The following WWOX variants were observed in gnomAD, a reference collection of about 807,000 sequenced individuals.
WWOX encodes WW domain containing oxidoreductase.
Under a neutral mutation model 46.2 loss-of-function variants are expected in WWOX, and 69 were observed. The observed-to-expected ratio is 1.49, with a 90% CI of 1.23 to 1.82. The LOEUF (loss-of-function observed/expected upper bound fraction) is 1.82, where lower values mean the gene tolerates loss of function less well. WWOX is among the 40% of genes most tolerant of loss of function. WWOX has a pLI of 0.00. For missense variants in WWOX, 919 were observed against 542.6 expected (o/e 1.69, Z -6.89); for synonymous variants, 359 against 202.6 (o/e 1.77, Z -6.56).
At position 78,115,080 on chromosome 16, in the gene WWOX, C is replaced by A. The variant is rs761133406; in HGVS notation, c.335C>A (p.Thr112Asn). The A allele has an allele frequency of 5.0e-6, 8 of 1,614,234 alleles. No homozygotes were observed. Among genetic ancestry groups the A allele is most frequent in the Non-Finnish European group, 6.8e-6 (8 of 1,180,040 alleles). The change falls in exon 4 of 9, where the codon ACT becomes AAT. Residue 112 changes from threonine (T) to asparagine (N), a missense_variant. Coordinates refer to ENST00000566780, the MANE Select transcript of WWOX (RefSeq NM_016373.4). ...TTRQRYDGST[T>N]AMEILQGRDF... ...CGGCAAAGATACGACGGCAGCACCACTGCCATGGAAATTCTCCAGGGCCGG... is the reference window on the plus strand; with the variant it reads ...CGGCAAAGATACGACGGCAGCACCAATGCCATGGAAATTCTCCAGGGCCGG...
intron 8 of WWOX, among the ~76,000 whole-genome samples, chr16:79,075,858 A>C (rs1266782778): frequency 6.6e-6 from 1 of 152,180 alleles, no homozygotes; most frequent in Non-Finnish European, 1.5e-5. Context: ...TCAAAAAAAC[A>C]TATTAAGTTA....
rs1215169060 is a variant in WWOX at position 79,109,895 on chromosome 16, G to C, written c.1057-101713G>C. 3.3e-5 allele frequency among the ~76,000 whole-genome samples: 5 copies of C among 152,268 alleles called. No individual in the cohort carries two copies. The East Asian group carries it at 9.7e-4, about 29-fold the overall frequency. ...CAAGATTTGGCATTCTGCATGTTGGGGTTGTTTAGAAACAGAAACTTTGGA... is the reference window on the plus strand; with the variant it reads ...CAAGATTTGGCATTCTGCATGTTGGCGTTGTTTAGAAACAGAAACTTTGGA... On this transcript the variant is annotated intron_variant, in intron 8 of 8. Transcript: ENST00000566780.
chr16:79,003,151 G>C (rs980875133), intron 8 of WWOX, among the ~76,000 whole-genome samples: 1 of 152,136 alleles, frequency 6.6e-6, no homozygotes, highest in South Asian at 2.1e-4. Flanking sequence ...CAATTTACAT[G>C]TTTGTCATTC....
At chr16:79,141,446 A>T (rs1597412341) in intron 8 of WWOX, among the ~76,000 whole-genome samples, 1 of 152,228 alleles carries the variant, frequency 6.6e-6, no homozygotes, top group Non-Finnish European at 1.5e-5. Flanking sequence ...TTTCTAAATT[A>T]GCTGAGACCT....
chr16:78,941,621 G>C (rs192120358), intron 8 of WWOX, among the ~76,000 whole-genome samples: 1 of 152,094 alleles, frequency 6.6e-6, no homozygotes, highest in Non-Finnish European at 1.5e-5. Context: ...TAAATCATAG[G>C]AGAGTGCTCA....
chr16:78,833,966 C>T (rs950811782), intron 8 of WWOX, among the ~76,000 whole-genome samples: 1 of 152,242 alleles, frequency 6.6e-6, no homozygotes, highest in Non-Finnish European at 1.5e-5. Context: ...CCTTTGGCTT[C>T]AGCCTCATTG....
At chr16:79,133,662 C>T (rs760344898) in intron 8 of WWOX, among the ~76,000 whole-genome samples, 8 of 152,064 alleles carry the variant, frequency 5.3e-5, no homozygotes, top group Admixed American at 2.0e-4. Flanking sequence ...CTGTCCTTGC[C>T]GGTGGCCTGC....
At chr16:79,021,030 A>C (rs1214623794) in intron 8 of WWOX, among the ~76,000 whole-genome samples, 1 of 152,212 alleles carries the variant, frequency 6.6e-6, no homozygotes, top group African/African-American at 2.4e-5. Flanking sequence ...AGGATACACA[A>C]GCTTCAAAAA....
At chr16:78,702,100 T>TTA (rs72067397) in intron 8 of WWOX, among the ~76,000 whole-genome samples, 5,894 of 81,084 alleles carry the variant, frequency 0.073, 249 homozygotes, top group Non-Finnish European at 0.089. Flanking sequence ...ATCTATAAAG[T>TTA]TATATATATA....
intron 5 of WWOX, among the ~76,000 whole-genome samples, chr16:78,212,723 C>A (rs2036595507): frequency 6.6e-6 from 1 of 152,062 alleles, no homozygotes; most frequent in Non-Finnish European, 1.5e-5. Flanking sequence ...CCTGGTCTGC[C>A]CTTGATAACT....
At chr16:78,128,980 A>C (rs570349727) in intron 4 of WWOX, among the ~76,000 whole-genome samples, 5 of 152,134 alleles carry the variant, frequency 3.3e-5, no homozygotes, top group Non-Finnish European at 7.3e-5. Flanking sequence ...ACGTACAGTT[A>C]CTAGATTGAG....
intron 8 of WWOX, among the ~76,000 whole-genome samples, chr16:78,793,609 A>G (rs927389124): frequency 2.0e-5 from 3 of 152,228 alleles, no homozygotes; most frequent in Non-Finnish European, 2.9e-5. Context: ...TATTGTTTAA[A>G]TATTATTCAA....
At chr16:78,725,344 CTTTTT>C (rs1220702069) in intron 8 of WWOX, among the ~76,000 whole-genome samples, 2 of 61,874 alleles carry the variant, frequency 3.2e-5, no homozygotes, top group Non-Finnish European at 5.6e-5. Flanking sequence ...CTTTTCTTTT[CTTTTT>C]TTTTTTTTTT....
At chr16:78,573,941 G>C (rs1019900246) in intron 8 of WWOX, among the ~76,000 whole-genome samples, 1 of 152,164 alleles carries the variant, frequency 6.6e-6, no homozygotes, top group Non-Finnish European at 1.5e-5. Context: ...CTCTGCCTAG[G>C]GTTTCACAAA....
intron 5 of WWOX, among the ~76,000 whole-genome samples, chr16:78,330,139 T>A (rs1459313652): frequency 6.6e-6 from 1 of 152,218 alleles, no homozygotes; most frequent in Non-Finnish European, 1.5e-5. Context: ...GCCTAAACGT[T>A]TGAAAACATT....
At chr16:78,330,074 T>C (rs1033583766) in intron 5 of WWOX, among the ~76,000 whole-genome samples, 3 of 152,214 alleles carry the variant, frequency 2.0e-5, no homozygotes, top group African/African-American at 4.8e-5. Context: ...CTTTTTCTAA[T>C]AACCATTGCT....
chr16:78,514,089 C>G (rs1165829608), intron 8 of WWOX, among the ~76,000 whole-genome samples: 1 of 152,128 alleles, frequency 6.6e-6, no homozygotes, highest in Non-Finnish European at 1.5e-5. Context: ...CAAAATCAGC[C>G]AACCCCATAA....
intron 8 of WWOX, among the ~76,000 whole-genome samples, chr16:78,913,897 G>C (rs938774375): frequency 1.3e-5 from 2 of 152,000 alleles, no homozygotes; most frequent in African/African-American, 2.4e-5. Flanking sequence ...CTGGCCTCAA[G>C]TGATCCTCCT....
At position 78,099,778 on chromosome 16, in the gene WWOX, C is replaced by A; in HGVS notation, c.-1C>A. ...GGGGCCAGGTGCCTCCACAGTCAGCCATGGCAGCGCTGCGCTACGCGGGGC... is the reference window on the plus strand; with the variant it reads ...GGGGCCAGGTGCCTCCACAGTCAGCAATGGCAGCGCTGCGCTACGCGGGGC... On this transcript the variant is annotated 5_prime_UTR_variant, in exon 1 of 9. Transcript: ENST00000566780. 6.5e-7 allele frequency: 1 copy of A among 1,548,512 alleles called. No individual in the cohort carries two copies. Among genetic ancestry groups the A allele is most frequent in the South Asian group, 1.2e-5 (1 of 83,052 alleles).
Sources: gnomAD v4.1 joint callset for allele counts (sites outside exome capture counted in the v4.1 genomes callset) on GRCh38, gnomAD v4.1.1 for gene constraint, MANE v1.5 for transcripts, NCBI Gene and HGNC (gene_info 2026-07-23, HGNC 2026-07-21) for gene names.